Variants in DLG2 observed in about 807,000 individuals in gnomAD.
DLG2 encodes discs large MAGUK scaffold protein 2.
DLG2 carries 45 observed loss-of-function variants against 132.5 expected under a neutral mutation model. That is an observed-to-expected ratio of 0.34 (90% CI 0.27 to 0.44). DLG2 has a LOEUF of 0.44. Among genes scored for constraint, DLG2 ranks in the 20% least tolerant of loss-of-function variants. The pLI is 1.00. For synonymous variants in DLG2, 424 were observed against 419.6 expected (o/e 1.01, Z -0.13); for missense variants, 1,045 against 1,196.9 (o/e 0.87, Z 1.87).
intron 21 of DLG2, among the ~76,000 whole-genome samples, chr11:83,517,821 G>A (rs2095347899): frequency 6.6e-6 from 1 of 152,208 alleles, no homozygotes; most frequent in African/African-American, 2.4e-5. Context: ...CAGCAGCAGA[G>A]GCTGCAGAAC....
intron 14 of DLG2, among the ~76,000 whole-genome samples, chr11:83,934,373 TA>T (rs1228598742): frequency 6.6e-6 from 1 of 152,210 alleles, no homozygotes; most frequent in Non-Finnish European, 1.5e-5. Context: ...TTGTTCATTA[TA>T]AATTCTTTTG....
intron 4 of DLG2, among the ~76,000 whole-genome samples, chr11:85,171,451 C>T (rs899281912): frequency 6.6e-6 from 1 of 152,090 alleles, no homozygotes; most frequent in Non-Finnish European, 1.5e-5. Context: ...GCCTTGGATC[C>T]GAAGCAGAGA....
chr11:84,923,529 G>A (rs191495200), intron 6 of DLG2: 1 of 1,030,480 alleles, frequency 9.7e-7, no homozygotes, highest in Non-Finnish European at 1.2e-6. Context: ...TATATTTCTG[G>A]AGAGCCCCGG....
chr11:83,892,239 A>G (rs2070141769), intron 15 of DLG2, among the ~76,000 whole-genome samples: 1 of 152,212 alleles, frequency 6.6e-6, no homozygotes, highest in African/African-American at 2.4e-5. Flanking sequence ...TGATAAATGC[A>G]ATGCTTTCTA....
chr11:84,692,283 C>T (rs2058135219), intron 6 of DLG2, among the ~76,000 whole-genome samples: 1 of 151,744 alleles, frequency 6.6e-6, no homozygotes, highest in Non-Finnish European at 1.5e-5. Context: ...AAGCATATTA[C>T]CTTTTCAAGC....
At chr11:83,665,020 T>C (rs2153557934) in intron 18 of DLG2, among the ~76,000 whole-genome samples, 2 of 152,290 alleles carry the variant, frequency 1.3e-5, no homozygotes, top group East Asian at 3.9e-4. Context: ...GCTCAATAAA[T>C]AGAAATGTAG....
chr11:84,299,981 A>G (rs1209039705), intron 7 of DLG2, among the ~76,000 whole-genome samples: 1 of 152,184 alleles, frequency 6.6e-6, no homozygotes, highest in African/African-American at 2.4e-5. Context: ...CAGCAGTATA[A>G]GAACAACGTG....
chr11:85,286,725 G>A (rs1292578785), intron 3 of DLG2, among the ~76,000 whole-genome samples: 1 of 152,092 alleles, frequency 6.6e-6, no homozygotes, highest in East Asian at 1.9e-4. Flanking sequence ...AGAGGACCTA[G>A]AAGCAGGGAC....
chr11:84,235,297 T>G (rs930716961), intron 8 of DLG2, among the ~76,000 whole-genome samples: 34 of 152,364 alleles, frequency 2.2e-4, no homozygotes, highest in African/African-American at 8.2e-4. Context: ...CTTGGGCACA[T>G]GTTCTCAGGG....
At chr11:83,955,689 C>A (rs1464274192) in intron 14 of DLG2, among the ~76,000 whole-genome samples, 1 of 152,178 alleles carries the variant, frequency 6.6e-6, no homozygotes, top group Admixed American at 6.5e-5. Flanking sequence ...GAGATGCAGA[C>A]CCTCCCTCAA....
chr11:83,705,731 T>G lies in DLG2; in HGVS notation c.1826-72406A>C, dbSNP rs1037622370. 1.2e-4 allele frequency among the ~76,000 whole-genome samples: 19 copies of G among 152,332 alleles called. No individual in the cohort carries two copies. In the South Asian group the frequency reaches 2.7e-3, roughly 22 times the overall value. ...TACTTAATTCCATTATTTTATTTTT[T>G]AAAATATGCCATAAAAGATTTACAG... On this transcript the variant is annotated intron_variant, in intron 18 of 27. Coordinates refer to ENST00000376104, the MANE Select transcript of DLG2 (RefSeq NM_001142699.3).
In DLG2 at chr11:84,008,987, C is replaced by T. The variant is rs887835669; in HGVS notation, c.920-28345G>A. On this transcript the variant is annotated intron_variant, in intron 11 of 27. Transcript: ENST00000376104. ...GGGAATCAAGCATGTACTACTCAAA[C>T]TACCTCTCTTCTTGATGCTCCATAC... Among the ~76,000 whole-genome samples the T allele has an allele frequency of 2.6e-5, 4 of 151,128 alleles. 1 individual carries two copies. The highest frequency in any genetic ancestry group is 2.0e-4 in the Admixed American group (3 of 15,066).
At chr11:83,696,893 C>T (rs562994386) in intron 18 of DLG2, among the ~76,000 whole-genome samples, 1 of 152,206 alleles carries the variant, frequency 6.6e-6, no homozygotes, top group Admixed American at 6.5e-5. Flanking sequence ...GAATATGTAC[C>T]AAGTCAAAAA....
chr11:84,514,394 A>C (rs1454784605), intron 7 of DLG2, among the ~76,000 whole-genome samples: 1 of 152,086 alleles, frequency 6.6e-6, no homozygotes, highest in Non-Finnish European at 1.5e-5. Flanking sequence ...CTGCACTCCC[A>C]TATTGTTGCA....
chr11:84,848,540 C>A (rs1403973674), intron 6 of DLG2, among the ~76,000 whole-genome samples: 3 of 151,962 alleles, frequency 2.0e-5, no homozygotes, highest in African/African-American at 7.2e-5. Context: ...TATGTTTACT[C>A]CCCAACTCCA....
intron 11 of DLG2, among the ~76,000 whole-genome samples, chr11:84,015,268 T>C (rs753433926): frequency 6.6e-6 from 1 of 152,146 alleles, no homozygotes. Flanking sequence ...AGTAGAAAGA[T>C]GATTACGTAT....
Position 84,823,398 on chromosome 11 carries a change from C to T in DLG2, c.357+288263G>A, listed in dbSNP as rs1030831470. 3.3e-5 allele frequency among the ~76,000 whole-genome samples: 5 copies of T among 151,810 alleles called. No homozygotes were observed. The East Asian group carries it at 5.8e-4, about 18-fold the overall frequency. ...CTCTCCTCCAGCCACACCAGCCTGGCCTGTTTGCTCCTTGAAAATGCCAAA... is the reference window on the plus strand; with the variant it reads ...CTCTCCTCCAGCCACACCAGCCTGGTCTGTTTGCTCCTTGAAAATGCCAAA... On this transcript the variant is annotated intron_variant, in intron 6 of 27. Coordinates refer to ENST00000376104, the MANE Select transcript of DLG2 (RefSeq NM_001142699.3).
intron 7 of DLG2, among the ~76,000 whole-genome samples, chr11:84,305,637 C>T (rs192345211): frequency 4.2e-4 from 64 of 152,152 alleles, no homozygotes; most frequent in African/African-American, 1.4e-3. Context: ...ACCTACCTAC[C>T]TATTCCTGTT....
At chr11:84,573,304 T>A (rs1357374782) in intron 6 of DLG2, among the ~76,000 whole-genome samples, 1 of 152,160 alleles carries the variant, frequency 6.6e-6, no homozygotes, top group African/African-American at 2.4e-5. Flanking sequence ...GATATCAATT[T>A]TCCATTTATA....
Sources: allele counts gnomAD v4.1 joint callset (sites outside exome capture counted in the v4.1 genomes callset), GRCh38; gene constraint gnomAD v4.1.1; transcripts MANE v1.5; gene names NCBI Gene and HGNC (gene_info 2026-07-23, HGNC 2026-07-21).